Variants in PEBP4 observed in about 807,000 individuals in gnomAD.
The protein encoded by PEBP4 is phosphatidylethanolamine binding protein 4.
Under a neutral mutation model 23.9 loss-of-function variants are expected in PEBP4, and 22 were observed. That is an observed-to-expected ratio of 0.92 (90% CI 0.66 to 1.31). The LOEUF (loss-of-function observed/expected upper bound fraction) is 1.31, where lower values mean the gene tolerates loss of function less well. Among genes scored for constraint, PEBP4 ranks in the 40% most tolerant of loss-of-function variants. The pLI, the probability that PEBP4 is intolerant of heterozygous loss-of-function variation, is 0.00. For synonymous variants in PEBP4, 112 were observed against 99.3 expected (o/e 1.13, Z -0.76); for missense variants, 324 against 281.7 (o/e 1.15, Z -1.07).
chr8:22,821,642 A>C (rs1385081886), intron 3 of PEBP4, among the ~76,000 whole-genome samples: 1 of 152,112 alleles, frequency 6.6e-6, no homozygotes, highest in Non-Finnish European at 1.5e-5. Flanking sequence ...AAACAAAAGA[A>C]AGAGTGTGGT....
chr8:22,884,074 G>A (rs144326175), intron 3 of PEBP4: 1 of 152,222 alleles, frequency 6.6e-6, no homozygotes, highest in Non-Finnish European at 1.5e-5. Context: ...CTTAAGGGCT[G>A]AAGAGTTGGC....
At position 22,827,618 on chromosome 8, in the gene PEBP4, A is replaced by G. The variant is rs112693436; in HGVS notation, c.259-9883T>C. Among the ~76,000 whole-genome samples, 159 of 152,264 alleles carry G rather than the reference A, an allele frequency of 1.0e-3. 1 individual carries two copies. Among genetic ancestry groups the G allele is most frequent in the African/African-American group, 3.4e-3 (142 of 41,548 alleles). ...ATAATATTTCATTGTATGGATAGAG[A>G]CCACATTTGTTTATCCAATTGGTGG... is the stretch of plus-strand genomic sequence containing the variant. On this transcript the variant is annotated intron_variant, in intron 3 of 6. Coordinates refer to ENST00000256404, the MANE Select transcript of PEBP4 (RefSeq NM_144962.3).
intron 4 of PEBP4, among the ~76,000 whole-genome samples, chr8:22,815,636 C>T (rs1388773763): frequency 3.3e-5 from 5 of 152,324 alleles, no homozygotes; most frequent in African/African-American, 9.6e-5. Flanking sequence ...GACGGAAACC[C>T]GCGCCTCCTC....
rs957354940 is a variant in PEBP4, at chr8:22,782,311, A to AC, written c.357+35325dup. Among the ~76,000 whole-genome samples the AC allele has an allele frequency of 3.3e-5, 5 of 152,330 alleles. No individual in the cohort carries two copies. In the East Asian group the frequency reaches 9.6e-4, roughly 29 times the overall value. On this transcript the variant is annotated intron_variant, in intron 4 of 6. Coordinates refer to ENST00000256404, the MANE Select transcript of PEBP4 (RefSeq NM_144962.3). ...AAGAGCAATCATGTGAGCTATAAAA[A>AC]CAGAGTAGTGCAAACTCACAGAGCA...
chr8:22,843,261 C>T (rs1374775774), intron 3 of PEBP4, among the ~76,000 whole-genome samples: 2 of 152,150 alleles, frequency 1.3e-5, no homozygotes, highest in Non-Finnish European at 1.5e-5. Context: ...CTGCGCCTGG[C>T]CAGGCCCTGC....
intron 4 of PEBP4, among the ~76,000 whole-genome samples, chr8:22,789,858 T>C (rs905135309): frequency 7.4e-4 from 113 of 152,246 alleles, no homozygotes; most frequent in African/African-American, 2.6e-3. Context: ...TTTTACCGAG[T>C]TCAACATCTT....
intron 4 of PEBP4, among the ~76,000 whole-genome samples, chr8:22,762,143 C>T (rs537900278): frequency 2.6e-5 from 4 of 151,626 alleles, no homozygotes; most frequent in South Asian, 2.1e-4. Flanking sequence ...AAACAATATA[C>T]CCTTCATTAA....
At chr8:22,844,665 T>C (rs937946810) in intron 3 of PEBP4, among the ~76,000 whole-genome samples, 1 of 152,222 alleles carries the variant, frequency 6.6e-6, no homozygotes, top group Non-Finnish European at 1.5e-5. Flanking sequence ...TTGGTTCTGT[T>C]GGGGATATAT....
At chr8:22,741,567 C>A (rs1053271088) in intron 4 of PEBP4, among the ~76,000 whole-genome samples, 36 of 152,280 alleles carry the variant, frequency 2.4e-4, no homozygotes, top group Non-Finnish European at 2.5e-4. Flanking sequence ...ACTGACAGAG[C>A]CCCAGGGAGA....
At chr8:22,747,326 G>A (rs1292724133) in intron 4 of PEBP4, among the ~76,000 whole-genome samples, 1 of 152,218 alleles carries the variant, frequency 6.6e-6, no homozygotes, top group Non-Finnish European at 1.5e-5. Context: ...CCTTCCTCAA[G>A]TGCCACTGTG....
rs542647097 is a variant in PEBP4, at chr8:22,807,490, C to T, written c.357+10147G>A. Among the ~76,000 whole-genome samples the T allele has an allele frequency of 7.3e-4, 111 of 152,184 alleles. 5 individuals carry two copies. In the South Asian group the frequency reaches 0.019, roughly 26 times the overall value. On this transcript the variant is annotated intron_variant, in intron 4 of 6. Transcript: ENST00000256404. ...AAGGAAAGATTCACATTTTTGTAGACGGTGAGATTATAGGAGGGGAAACTC... is the reference window on the plus strand; with the variant it reads ...AAGGAAAGATTCACATTTTTGTAGATGGTGAGATTATAGGAGGGGAAACTC...
At chr8:22,785,460 T>C (rs1203922567) in intron 4 of PEBP4, among the ~76,000 whole-genome samples, 1 of 152,046 alleles carries the variant, frequency 6.6e-6, no homozygotes, top group East Asian at 1.9e-4. Flanking sequence ...AGACGCCCTA[T>C]CTCTGGAATG....
intron 4 of PEBP4, among the ~76,000 whole-genome samples, chr8:22,782,000 G>A (rs1299672492): frequency 2.0e-5 from 3 of 152,216 alleles, no homozygotes; most frequent in Non-Finnish European, 4.4e-5. Flanking sequence ...AATCTCAGCA[G>A]CCATGGTGGG....
intron 4 of PEBP4, among the ~76,000 whole-genome samples, chr8:22,794,880 C>T (rs996084626): frequency 4.0e-5 from 6 of 151,834 alleles, no homozygotes; most frequent in Admixed American, 2.0e-4. Context: ...AATAGCTAAT[C>T]CATTTACTTA....
At chr8:22,900,059 C>T (rs1466458417) in intron 3 of PEBP4, among the ~76,000 whole-genome samples, 3 of 151,920 alleles carry the variant, frequency 2.0e-5, no homozygotes, top group African/African-American at 7.3e-5. Flanking sequence ...ATCTATGCTT[C>T]AACTTTCTTG....
At chr8:22,752,526 CAA>C (rs1325905983) in intron 4 of PEBP4, among the ~76,000 whole-genome samples, 3 of 152,196 alleles carry the variant, frequency 2.0e-5, no homozygotes, top group Non-Finnish European at 2.9e-5. Flanking sequence ...GCCTCTCACC[CAA>C]AGTCATATAC....
At position 22,731,721 on chromosome 8, in the gene PEBP4, C is replaced by T. The variant is rs570149580; in HGVS notation, c.358-4501G>A. Among the ~76,000 whole-genome samples, 33 of 151,904 alleles carry T rather than the reference C, an allele frequency of 2.2e-4. No individual in the cohort carries two copies. In the East Asian group the frequency reaches 5.2e-3, roughly 24 times the overall value. ...TCGCCCAGGCTGGAGTGCAGTGGCACGATCTCGGCTCACTGCAACCTCTGC... is the reference window on the plus strand; with the variant it reads ...TCGCCCAGGCTGGAGTGCAGTGGCATGATCTCGGCTCACTGCAACCTCTGC... On this transcript the variant is annotated intron_variant, in intron 4 of 6. Coordinates refer to ENST00000256404, the MANE Select transcript of PEBP4 (RefSeq NM_144962.3).
chr8:22,933,148 T>G (rs769985520), intron 1 of PEBP4, among the ~76,000 whole-genome samples: 2 of 152,184 alleles, frequency 1.3e-5, no homozygotes, highest in Non-Finnish European at 2.9e-5. Flanking sequence ...ACCCATCATG[T>G]GCAATGCTCT....
chr8:22,795,813 T>C (rs1563218815), intron 4 of PEBP4, among the ~76,000 whole-genome samples: 1 of 152,264 alleles, frequency 6.6e-6, no homozygotes. Flanking sequence ...TTTAACGATA[T>C]TTTATGCCAC....
Sources: allele counts gnomAD v4.1 joint callset (sites outside exome capture counted in the v4.1 genomes callset), GRCh38; gene constraint gnomAD v4.1.1; transcripts MANE v1.5; gene names NCBI Gene and HGNC (gene_info 2026-07-23, HGNC 2026-07-21).